The following SH3YL1 variants were observed in gnomAD, a reference collection of about 807,000 sequenced individuals.
SH3YL1 encodes the protein SH3 domain-containing YSC84-like protein 1.
In SH3YL1, 41 loss-of-function variants were observed where a neutral mutation model predicts 45.8. That is an observed-to-expected ratio of 0.89 (90% CI 0.70 to 1.16). The LOEUF is 1.16. Among genes scored for constraint, SH3YL1 ranks in the 50% most tolerant of loss-of-function variants. The probability of loss-of-function intolerance (pLI) is 0.00; values close to 1 mark genes in which losing one functional copy is unlikely to be tolerated. For synonymous variants in SH3YL1, 152 were observed against 151.4 expected (o/e 1.00, Z -0.03); for missense variants, 389 against 409.6 (o/e 0.95, Z 0.43).
At chr2:220,758 C>G (rs1667534407) in intron 9 of SH3YL1, among the ~76,000 whole-genome samples, 1 of 152,192 alleles carries the variant, frequency 6.6e-6, no homozygotes. Flanking sequence ...ACATATAAAG[C>G]TGAATCTTAA....
At position 249,726 on chromosome 2, in the gene SH3YL1, C is replaced by T. The variant is rs1298980500; in HGVS notation, c.226+5G>A. 1.3e-6 allele frequency: 2 copies of T among 1,547,888 alleles called. No homozygotes were observed. Among genetic ancestry groups the T allele is most frequent in the South Asian group, 2.4e-5 (2 of 83,992 alleles). Reference sequence around the variant, plus strand: ...CTCTACTCCAGTGAACAGACGCCAACTTACTTCCATCTGGAAGGCGCGCCA... The same window carrying T: ...CTCTACTCCAGTGAACAGACGCCAATTTACTTCCATCTGGAAGGCGCGCCA... On this transcript the variant is annotated splice_donor_5th_base_variant and intron_variant, in intron 3 of 9. Coordinates refer to ENST00000356150, the MANE Select transcript of SH3YL1 (RefSeq NM_015677.4).
chr2:259,510 A>T (rs1669497866), intron 1 of SH3YL1: 1 of 152,108 alleles, frequency 6.6e-6, no homozygotes, highest in Admixed American at 6.5e-5. Context: ...AATAAAACAC[A>T]GTAATTTTGA....
chr2:250,801 CACCATG>C (rs1331375900), intron 2 of SH3YL1, among the ~76,000 whole-genome samples: 4 of 152,190 alleles, frequency 2.6e-5, no homozygotes, highest in Admixed American at 2.6e-4. Context: ...ATTCATCCAA[CACCATG>C]AAGTTTGCAT....
chr2:219,200 C>T (rs554781215), intron 9 of SH3YL1, among the ~76,000 whole-genome samples, 199 bp from the exon 10 acceptor site: 60 of 152,240 alleles, frequency 3.9e-4, no homozygotes, highest in Non-Finnish European at 7.5e-4. Context: ...AAGGATTTAG[C>T]ACATGCTTCT....
intron 8 of SH3YL1, among the ~76,000 whole-genome samples, chr2:228,436 C>T (rs1470556704): frequency 6.6e-6 from 1 of 152,156 alleles, no homozygotes; most frequent in Non-Finnish European, 1.5e-5. Context: ...GGTCCACAGT[C>T]ATTTTTAAAT....
chr2:242,650 T>G, intron 4 of SH3YL1: 1 of 1,090,260 alleles, frequency 9.2e-7, no homozygotes. Context: ...ATAAATCCAA[T>G]GATATCAATA....
rs760691492 is a variant in SH3YL1 at position 218,825 on chromosome 2, C to T, written c.1015G>A (p.Val339Ile). The T allele has an allele frequency of 1.7e-5, 27 of 1,612,700 alleles. No individual in the cohort carries two copies. The highest frequency in any genetic ancestry group is 1.6e-4 in the Middle Eastern group (1 of 6,080). Reference sequence around the variant, plus strand: ...TAGTATACGCTTTAATTCATGGTTACGTAGTTGGCTGGAAAAATGCCAGTT... The same window carrying T: ...TAGTATACGCTTTAATTCATGGTTATGTAGTTGGCTGGAAAAATGCCAGTT... ...GQTGIFPANY[V>I]TMN Residue 339 changes from valine to isoleucine, a missense_variant, in exon 10 of 10, where the codon GTA (valine) becomes ATA (isoleucine). By Grantham distance (29) the Val-to-Ile change is conservative. Transcript: ENST00000356150.
intron 3 of SH3YL1, among the ~76,000 whole-genome samples, chr2:248,169 A>T (rs1668918595): frequency 6.6e-6 from 1 of 152,272 alleles, no homozygotes. Context: ...GAAACTAAGT[A>T]CAGTAATTCC....
chr2:261,707 G>A (rs1669598043), intron 1 of SH3YL1, among the ~76,000 whole-genome samples: 1 of 152,182 alleles, frequency 6.6e-6, no homozygotes, highest in Non-Finnish European at 1.5e-5. Flanking sequence ...TGCCACCTGA[G>A]GTGACAAAGC....
intron 1 of SH3YL1, among the ~76,000 whole-genome samples, chr2:257,832 A>G (rs977182453): frequency 6.6e-6 from 1 of 152,112 alleles, no homozygotes; most frequent in Admixed American, 6.5e-5. Flanking sequence ...TTTTTTGCAT[A>G]TGGTATAAGG....
upstream of SH3YL1, chr2:264,079 C>T: frequency 3.7e-6 from 5 of 1,341,106 alleles, no homozygotes; most frequent in Non-Finnish European, 4.8e-6. Flanking sequence ...CCAGCGAGGG[C>T]GTACCTGCGG....
At chr2:227,907 G>A (rs1667856027) in intron 8 of SH3YL1, among the ~76,000 whole-genome samples, 1 of 151,872 alleles carries the variant, frequency 6.6e-6, no homozygotes, top group Admixed American at 6.6e-5. Context: ...GTGTGTGTGT[G>A]TGTAAGGATA....
chr2:253,616 A>G (rs1669177210), intron 1 of SH3YL1, among the ~76,000 whole-genome samples: 1 of 152,198 alleles, frequency 6.6e-6, no homozygotes, highest in African/African-American at 2.4e-5. Context: ...CTCACGAATA[A>G]TCCACTCCGT....
Position 230,039 on chromosome 2 carries a change from T to C in SH3YL1, c.708A>G (p.Lys236=). 6.2e-7 allele frequency: 1 copy of C among 1,600,862 alleles called. No homozygotes were observed. ...TTGACAATGGCTTTGGAGGTAATTC[T>C]TTAGCCTGGGAGAAACAAAAAGATA... The part of the protein sequence containing the change: ...AAREQRKSSA[K]ELPPKPLSRP... Residue 236 remains lysine, a synonymous_variant, in exon 8 of 10, where the codon AAA becomes AAG. Coordinates refer to ENST00000356150, the MANE Select transcript of SH3YL1 (RefSeq NM_015677.4).
chr2:244,124 C>T (rs749255234), intron 4 of SH3YL1, among the ~76,000 whole-genome samples: 9 of 151,706 alleles, frequency 5.9e-5, no homozygotes, highest in Non-Finnish European at 4.4e-5. Flanking sequence ...AGCTATTTTA[C>T]GGATAAAATG....
At position 233,209 on chromosome 2, in the gene SH3YL1, G is replaced by A; in HGVS notation, c.425C>T (p.Ala142Val). The A allele has an allele frequency of 6.3e-7, 1 of 1,576,962 alleles. No individual in the cohort carries two copies. Among genetic ancestry groups the A allele is most frequent in the Non-Finnish European group, 8.6e-7 (1 of 1,160,212 alleles). ...PLGRNLEGNVALRSSAAVFTY... is the reference protein window; with the variant it reads ...PLGRNLEGNVVLRSSAAVFTY... ...GAAGACGGCAGCGGAGCTTCTCAGG[G>A]CCACGTTTCCTTCCAAGTTCCTGCA... The change falls in exon 6 of 10, where the codon GCC becomes GTC. Residue 142 changes from alanine (A) to valine (V), a missense_variant. By Grantham distance (64) the Ala-to-Val change is moderately conservative. Coordinates refer to ENST00000356150, the MANE Select transcript of SH3YL1 (RefSeq NM_015677.4).
intron 2 of SH3YL1, 149 bp downstream of exon 2, chr2:252,856 A>T: frequency 1.7e-6 from 1 of 594,350 alleles, no homozygotes. Context: ...TGGATCAGTC[A>T]TGAGAAAAAA....
At chr2:259,781 T>C (rs1344557404) in intron 1 of SH3YL1, 1 of 150,996 alleles carries the variant, frequency 6.6e-6, no homozygotes, top group African/African-American at 2.4e-5. Context: ...GCATACTAGA[T>C]AATGTTCATT....
At chr2:244,201 T>TA (rs35001894) in intron 4 of SH3YL1, among the ~76,000 whole-genome samples, 45,846 of 147,258 alleles carry the variant, frequency 0.31, 7,495 homozygotes, top group East Asian at 0.59. Flanking sequence ...ACAAGTTTTG[T>TA]AAAAAAAAAA....
Sources: gnomAD v4.1 joint callset for allele counts (sites outside exome capture counted in the v4.1 genomes callset) on GRCh38, gnomAD v4.1.1 for gene constraint, MANE v1.5 for transcripts, NCBI Gene and HGNC (gene_info 2026-07-23, HGNC 2026-07-21) for gene names.